C3orf49: variants seen among roughly 807,000 people sequenced by gnomAD.
C3orf49 encodes chromosome 3 open reading frame 49.
A neutral mutation model predicts 13.3 loss-of-function variants in C3orf49; 27 were observed. The ratio of observed to expected loss-of-function variants is 2.02; its 90% CI spans 1.49 to 2.79. The LOEUF (loss-of-function observed/expected upper bound fraction) is 2.79, where lower values mean the gene tolerates loss of function less well. Among genes scored for constraint, C3orf49 ranks in the 30% most tolerant of loss-of-function variants. C3orf49 has a pLI of 0.00. For synonymous variants in C3orf49, 87 were observed against 47.6 expected (o/e 1.83, Z -3.40); for missense variants, 242 against 134.2 (o/e 1.80, Z -3.97).
chr3:63,837,867 T>A lies in C3orf49; in HGVS notation c.849+6023T>A, dbSNP rs912292294. The A allele has an allele frequency of 1.2e-5, 11 of 899,740 alleles. No individual in the cohort carries two copies. In the African/African-American group the frequency reaches 1.4e-4, roughly 11 times the overall value. The allele number at this position is 899,740 out of a possible 1,614,324, so 55.7% of individuals were successfully genotyped here. On this transcript the variant is annotated intron_variant, in intron 5 of 6. Coordinates refer to ENST00000295896, the MANE Select transcript of C3orf49 (RefSeq NM_001355236.2). ...AAGGAATTAAAATTTGGATTTTTTT[T>A]AATCCAGGTTGATTCAGGCTGCAGA... is the stretch of plus-strand genomic sequence containing the variant.
chr3:63,796,075 A>C, the C3orf49 span, among the ~76,000 whole-genome samples: 1 of 152,186 alleles, frequency 6.6e-6, no homozygotes, highest in Non-Finnish European at 1.5e-5. Context: ...AATAGAATCT[A>C]GTGGTGGGTA....
chr3:63,782,176 C>A, the C3orf49 span, among the ~76,000 whole-genome samples: 1 of 152,140 alleles, frequency 6.6e-6, no homozygotes, highest in Non-Finnish European at 1.5e-5. Context: ...AAGTCAGACA[C>A]TAAGAACATA....
chr3:63,829,350 G>T (rs920022108), intron 3 of C3orf49, among the ~76,000 whole-genome samples: 2 of 152,020 alleles, frequency 1.3e-5, no homozygotes, highest in African/African-American at 2.4e-5. Context: ...AATGTTGCTA[G>T]AACAATTGGG....
Position 63,831,171 on chromosome 3 carries a change from T to C in C3orf49, c.632T>C (p.Met211Thr). 1 of 702,978 alleles carries C rather than the reference T, an allele frequency of 1.4e-6. No individual in the cohort carries two copies. Among genetic ancestry groups the C allele is most frequent in the South Asian group, 1.5e-5 (1 of 67,588 alleles). 43.5% of individuals were successfully genotyped at this position (702,978 alleles called of 1,614,324 possible). ...GCACTTAAAAAAAAGAAGCGTGGCATGGAAAACATCCTTCGAAAATCAGAT... is the reference window on the plus strand; with the variant it reads ...GCACTTAAAAAAAAGAAGCGTGGCACGGAAAACATCCTTCGAAAATCAGAT... ...FPALKKKKRG[M>T]ENILRKSDLT... The change falls in exon 4 of 7, where the codon ATG becomes ACG. Residue 211 changes from methionine (M) to threonine (T), a missense_variant. By Grantham distance (81) the Met-to-Thr change is moderately conservative (BLOSUM62 -1). Coordinates refer to ENST00000295896, the MANE Select transcript of C3orf49 (RefSeq NM_001355236.2).
chr3:63,793,867 A>G, the C3orf49 span, among the ~76,000 whole-genome samples: 1 of 152,068 alleles, frequency 6.6e-6, no homozygotes, highest in Non-Finnish European at 1.5e-5. Context: ...CTCAATAAAT[A>G]ATTGTTGGTC....
chr3:63,830,264 G>A (rs1035982824), intron 3 of C3orf49, among the ~76,000 whole-genome samples: 1 of 152,180 alleles, frequency 6.6e-6, no homozygotes, highest in Non-Finnish European at 1.5e-5. Flanking sequence ...TAGTATGCTA[G>A]TTGCTTAACA....
At chr3:63,834,086 A>G (rs1321613373) in intron 5 of C3orf49, 12 of 1,590,974 alleles carry the variant, frequency 7.5e-6, no homozygotes, top group Non-Finnish European at 1.0e-5. Flanking sequence ...CATTATGGTC[A>G]TGTAGCTATT....
chr3:63,792,419 T>C, the C3orf49 span, among the ~76,000 whole-genome samples: 4 of 152,246 alleles, frequency 2.6e-5, no homozygotes, highest in Admixed American at 6.5e-5. Flanking sequence ...TTCTCAAGTT[T>C]ATTTGGCCAC....
chr3:63,799,179 G>A, the C3orf49 span, among the ~76,000 whole-genome samples: 1 of 152,146 alleles, frequency 6.6e-6, no homozygotes, highest in Non-Finnish European at 1.5e-5. Flanking sequence ...TGATTACGTG[G>A]TTGAATTGCA....
chr3:63,810,181 G>A, the C3orf49 span, among the ~76,000 whole-genome samples: 2 of 150,526 alleles, frequency 1.3e-5, no homozygotes, highest in African/African-American at 2.5e-5. Context: ...CCGCAATTAC[G>A]TTTGTGCCAA....
At chr3:63,792,659 C>T in the C3orf49 span, among the ~76,000 whole-genome samples, 1 of 152,192 alleles carries the variant, frequency 6.6e-6, no homozygotes, top group East Asian at 1.9e-4. Context: ...ACAAGGCCCA[C>T]TGCCTGTTTA....
At chr3:63,811,114 C>T in the C3orf49 span, among the ~76,000 whole-genome samples, 2 of 152,176 alleles carry the variant, frequency 1.3e-5, no homozygotes, top group African/African-American at 4.8e-5. Context: ...TCCCAAAGTG[C>T]TGAGATTGCA....
At chr3:63,831,903 A>G (rs1185869759) in intron 5 of C3orf49, 59 bp downstream of exon 5, 6 of 674,412 alleles carry the variant, frequency 8.9e-6, no homozygotes, top group African/African-American at 3.6e-5. Flanking sequence ...TTTAAAAGTT[A>G]TCTTCCCTAG....
chr3:63,833,231 G>C (rs1453638770), intron 5 of C3orf49, among the ~76,000 whole-genome samples: 1 of 151,866 alleles, frequency 6.6e-6, no homozygotes, highest in Non-Finnish European at 1.5e-5. Context: ...TGAGTAGCTG[G>C]GATTATAGGC....
the C3orf49 span, among the ~76,000 whole-genome samples, chr3:63,785,284 G>C: frequency 6.6e-6 from 1 of 151,524 alleles, no homozygotes; most frequent in Non-Finnish European, 1.5e-5. Context: ...GTGTTAGCCA[G>C]GATGGTCTTG....
At chr3:63,796,660 T>C in the C3orf49 span, among the ~76,000 whole-genome samples, 3 of 152,180 alleles carry the variant, frequency 2.0e-5, no homozygotes, top group South Asian at 4.1e-4. Flanking sequence ...GTGGGTATCT[T>C]ATAAGAAAGT....
Position 63,836,152 on chromosome 3 carries a change from T to C in C3orf49, c.849+4308T>C. 4 of 653,084 alleles carry C rather than the reference T, an allele frequency of 6.1e-6. No individual in the cohort carries two copies. The South Asian group carries it at 1.1e-4, about 18-fold the overall frequency. 40.5% of individuals were successfully genotyped at this position (653,084 alleles called of 1,614,324 possible). A position where few individuals can be genotyped will look rare whatever the true frequency, so the allele number is the denominator to read the frequency against. The stretch of plus-strand genomic sequence containing the variant: ...GGTAAGGTTAGAGGAAAATAAAATC[T>C]AACAGAGAAGTATGGGAAAATATAA... On this transcript the variant is annotated intron_variant, in intron 5 of 6. Coordinates refer to ENST00000295896, the MANE Select transcript of C3orf49 (RefSeq NM_001355236.2).
the C3orf49 span, among the ~76,000 whole-genome samples, chr3:63,807,381 C>G: frequency 6.6e-6 from 1 of 152,078 alleles, no homozygotes. Flanking sequence ...TTCTCTCTTC[C>G]ATTTTCCACA....
chr3:63,795,861 C>A, the C3orf49 span, among the ~76,000 whole-genome samples: 1 of 152,106 alleles, frequency 6.6e-6, no homozygotes, highest in Non-Finnish European at 1.5e-5. Context: ...CAATCTTGAT[C>A]CCTCTCTTTC....
Sources: gnomAD v4.1 joint callset for allele counts (sites outside exome capture counted in the v4.1 genomes callset) on GRCh38, gnomAD v4.1.1 for gene constraint, MANE v1.5 for transcripts, NCBI Gene and HGNC (gene_info 2026-07-23, HGNC 2026-07-21) for gene names.